PRDM10: variants seen among roughly 807,000 people sequenced by gnomAD.
The protein encoded by PRDM10 is PR/SET domain 10.
A neutral mutation model predicts 133.1 loss-of-function variants in PRDM10; 65 were observed. That is an observed-to-expected ratio of 0.49 (90% CI 0.40 to 0.60). PRDM10 has a LOEUF of 0.60. Among genes scored for constraint, PRDM10 ranks in the 20% least tolerant of loss-of-function variants. The pLI, the probability that PRDM10 is intolerant of heterozygous loss-of-function variation, is 0.00. For synonymous variants in PRDM10, 582 were observed against 580.4 expected (o/e 1.00, Z -0.04); for missense variants, 1,137 against 1,507.1 (o/e 0.75, Z 4.07).
At chr11:129,973,054 C>T (rs1937606725) in intron 1 of PRDM10, among the ~76,000 whole-genome samples, 1 of 151,878 alleles carries the variant, frequency 6.6e-6, no homozygotes, top group Admixed American at 6.6e-5. Flanking sequence ...TTTCTTTTGT[C>T]TAAGATAAAA....
intron 13 of PRDM10, among the ~76,000 whole-genome samples, chr11:129,919,020 A>C (rs1225661483): frequency 6.6e-6 from 1 of 152,224 alleles, no homozygotes; most frequent in African/African-American, 2.4e-5. Context: ...AGAACACGGA[A>C]CAAGCCTGGC....
chr11:129,949,921 C>T (rs1035843044), intron 4 of PRDM10, among the ~76,000 whole-genome samples: 6 of 143,414 alleles, frequency 4.2e-5, no homozygotes, highest in Non-Finnish European at 9.1e-5. Context: ...GTGACAAGAG[C>T]GAAACTCCAC....
chr11:129,993,957 T>C (rs1591707310), intron 1 of PRDM10, among the ~76,000 whole-genome samples: 1 of 152,206 alleles, frequency 6.6e-6, no homozygotes. Context: ...TTCCAGAAAA[T>C]TGACACATTT....
intron 1 of PRDM10, among the ~76,000 whole-genome samples, chr11:129,990,040 T>C (rs1338535952): frequency 1.3e-5 from 2 of 151,582 alleles, no homozygotes; most frequent in African/African-American, 2.4e-5. Flanking sequence ...CCATCTCTAT[T>C]AAAAATTCCA....
chr11:129,945,005 C>T lies in PRDM10; in HGVS notation c.528G>A (p.Glu176=), dbSNP rs1951360094. Residue 176 remains glutamate (E), a synonymous_variant, in exon 6 of 21, where the codon GAG becomes GAA. Transcript: ENST00000360871. The surrounding 1 kb of genome is among the most constrained non-coding windows in gnomAD (Gnocchi z 4.2). ...CTGAAGCATGCGCGTTATTGCACTC[C>T]TCACACCCTGCAAAAGAGAGACAGT... ...RPFDPHDLWC[E]ECNNAHASVC... is the part of the protein sequence containing the mutation. 2.5e-5 allele frequency: 41 copies of T among 1,611,504 alleles called. No individual in the cohort carries two copies. Among genetic ancestry groups the T allele is most frequent in the Non-Finnish European group, 3.5e-5 (41 of 1,179,414 alleles).
chr11:129,900,944 G>A lies in PRDM10; in HGVS notation c.*1369C>T, dbSNP rs545633256. The A allele has an allele frequency of 2.0e-5, 3 of 152,710 alleles. No individual in the cohort carries two copies. The South Asian group carries it at 6.2e-4, about 32-fold the overall frequency. 9.5% of individuals were successfully genotyped at this position (152,710 alleles called of 1,614,324 possible). Reference sequence around the variant, plus strand: ...AAGAAGCTACTCTACTTAATTTATAGAACCAGTTTTTACCCAGAAATGTAA... The same window carrying A: ...AAGAAGCTACTCTACTTAATTTATAAAACCAGTTTTTACCCAGAAATGTAA... On this transcript the variant is annotated 3_prime_UTR_variant, in exon 21 of 21. Transcript: ENST00000360871.
At chr11:129,980,486 ATTAG>A (rs1938043698) in intron 1 of PRDM10, among the ~76,000 whole-genome samples, 6 of 152,246 alleles carry the variant, frequency 3.9e-5, no homozygotes, top group Admixed American at 3.3e-4. Context: ...GATCTGAGGC[ATTAG>A]TTAGATTCTC....
At chr11:130,000,782 C>T (rs1939311870) in intron 1 of PRDM10, among the ~76,000 whole-genome samples, 1 of 152,200 alleles carries the variant, frequency 6.6e-6, no homozygotes, top group Admixed American at 6.5e-5. Context: ...ATGGTTCATT[C>T]TGTGTCAACT....
chr11:129,905,628 C>T lies in PRDM10; in HGVS notation c.3267+10G>A, dbSNP rs1038772303. 4.4e-6 allele frequency: 7 copies of T among 1,608,930 alleles called. No homozygotes were observed. Among genetic ancestry groups the T allele is most frequent in the Middle Eastern group, 1.6e-4 (1 of 6,082 alleles). Reference sequence around the variant, plus strand: ...GGACAGGAAAAACCCGACCGAGTAGCGTAGCTTACCGAAGTAACCGCCTTC... The same window carrying T: ...GGACAGGAAAAACCCGACCGAGTAGTGTAGCTTACCGAAGTAACCGCCTTC... On this transcript the variant is annotated intron_variant, in intron 20 of 20. Coordinates refer to ENST00000360871, the MANE Select transcript of PRDM10 (RefSeq NM_199437.2).
chr11:129,942,375 AAACAATCACTCTT>A (rs764456417), intron 7 of PRDM10, 38 bp downstream of exon 7: 19 of 1,560,712 alleles, frequency 1.2e-5, no homozygotes, highest in Non-Finnish European at 1.7e-5. Flanking sequence ...AAAAAGCCCT[AAACAATCACTCTT>A]GCTAGCAAAT....
intron 1 of PRDM10, among the ~76,000 whole-genome samples, chr11:129,977,908 G>A (rs529494537): frequency 5.9e-5 from 9 of 152,106 alleles, no homozygotes; most frequent in African/African-American, 2.2e-4. Flanking sequence ...AGTGAGTGCG[G>A]TGAGATCGCA....
At chr11:129,913,051 C>G (rs1950239336) in intron 17 of PRDM10, among the ~76,000 whole-genome samples, 1 of 111,284 alleles carries the variant, frequency 9.0e-6, no homozygotes, top group Non-Finnish European at 1.8e-5. Flanking sequence ...CAGAGCGAGA[C>G]TCCATCTCAA....
chr11:129,955,437 G>A, intron 4 of PRDM10, 75 bp downstream of exon 4: 1 of 1,428,940 alleles, frequency 7.0e-7, no homozygotes, highest in Non-Finnish European at 9.8e-7. Flanking sequence ...ATGGTGCAGT[G>A]CAAAGGGATG....
intron 7 of PRDM10, among the ~76,000 whole-genome samples, chr11:129,938,054 T>A (rs896689579): frequency 1.3e-5 from 2 of 152,186 alleles, no homozygotes; most frequent in African/African-American, 4.8e-5. Context: ...GGGTCACCAA[T>A]GACACCTTCC....
At position 129,900,347 on chromosome 11, in the gene PRDM10, G is replaced by GAAA. The variant is rs774979237; in HGVS notation, c.*1965_*1966insTTT. On this transcript the variant is annotated 3_prime_UTR_variant, in exon 21 of 21. Transcript: ENST00000360871. ...GTCTTTATTTCACTTAAGGACCAAA[G>GAAA]AAGAAGAAGAAGAAGAAGAAGAAGA... The GAAA allele has an allele frequency of 2.7e-5, 3 of 112,178 alleles. No homozygotes were observed. Among genetic ancestry groups the GAAA allele is most frequent in the African/African-American group, 1.2e-4 (3 of 24,752 alleles). 6.9% of individuals were successfully genotyped at this position (112,178 alleles called of 1,614,324 possible). A position where few individuals can be genotyped will look rare whatever the true frequency, so the allele number is the denominator to read the frequency against.
intron 1 of PRDM10, among the ~76,000 whole-genome samples, chr11:129,972,415 T>G (rs1249440995): frequency 6.6e-6 from 1 of 152,124 alleles, no homozygotes; most frequent in Non-Finnish European, 1.5e-5. Context: ...CAACAAAGAG[T>G]TAACAAAAAT....
chr11:129,976,498 A>G (rs980295325), intron 1 of PRDM10, among the ~76,000 whole-genome samples: 6 of 152,330 alleles, frequency 3.9e-5, no homozygotes, highest in African/African-American at 1.4e-4. Context: ...GGTCACGACA[A>G]CTCAATGAAG....
Position 129,948,523 on chromosome 11 carries a change from C to T in PRDM10, c.295-1153G>A, listed in dbSNP as rs572616689. Reference sequence around the variant, plus strand: ...GGAGCCATAGAATCCCACTCCACAACAGCACTCAGCATCTGCTTCCACATT... The same window carrying T: ...GGAGCCATAGAATCCCACTCCACAATAGCACTCAGCATCTGCTTCCACATT... On this transcript the variant is annotated intron_variant, in intron 4 of 20. Coordinates refer to ENST00000360871, the MANE Select transcript of PRDM10 (RefSeq NM_199437.2). Among the ~76,000 whole-genome samples the T allele has an allele frequency of 2.6e-5, 4 of 152,298 alleles. No homozygotes were observed. In the South Asian group the frequency reaches 8.3e-4, roughly 32 times the overall value.
intron 10 of PRDM10, among the ~76,000 whole-genome samples, chr11:129,931,690 C>T (rs1023420623): frequency 3.3e-5 from 5 of 151,758 alleles, no homozygotes; most frequent in African/African-American, 9.7e-5. Context: ...CCTCCGCCTC[C>T]CGAGTAGCTG....
Sources: allele counts gnomAD v4.1 joint callset (sites outside exome capture counted in the v4.1 genomes callset), GRCh38; gene constraint gnomAD v4.1.1; non-coding constraint Gnocchi (gnomAD v3.1); transcripts MANE v1.5; gene names NCBI Gene and HGNC (gene_info 2026-07-23, HGNC 2026-07-21).